The following COMMD1 variants were observed in gnomAD, a reference collection of about 807,000 sequenced individuals.
COMMD1 encodes the protein copper metabolism domain containing 1, also known as COMM domain-containing protein 1.
Under a neutral mutation model 17.2 loss-of-function variants are expected in COMMD1, and 10 were observed. The ratio of observed to expected loss-of-function variants is 0.58; its 90% CI spans 0.36 to 0.99. The LOEUF is 0.99. Ranked by LOEUF, COMMD1 falls within the 50% of genes least tolerant of loss-of-function variation. The probability of loss-of-function intolerance (pLI) is 0.01; values close to 1 mark genes in which losing one functional copy is unlikely to be tolerated. For synonymous variants in COMMD1, 97 were observed against 91.6 expected, an observed-to-expected ratio of 1.06 and a Z score of -0.34; for missense variants, 270 against 231.8, an observed-to-expected ratio of 1.17 and a Z score of -1.07.
intron 2 of COMMD1, among the ~76,000 whole-genome samples, chr2:62,117,029 C>T (rs1258497965): frequency 1.3e-5 from 2 of 151,346 alleles, no homozygotes; most frequent in Non-Finnish European, 2.9e-5. Flanking sequence ...CAAAGATGAA[C>T]CTTGCCTACA....
In COMMD1 at chr2:61,911,361, A is replaced by G. The variant is rs185455882; in HGVS notation, c.180+5503A>G. ...TGTAGCAGCAGGTGCTTATAATCCC[A>G]GCTACTTGTGAGGCTGAGGCAGGAG... On this transcript the variant is annotated intron_variant, in intron 1 of 2. Coordinates refer to ENST00000311832, the MANE Select transcript of COMMD1 (RefSeq NM_152516.4). 3.2e-3 allele frequency among the ~76,000 whole-genome samples: 492 copies of G among 152,160 alleles called. 7 individuals carry two copies. The highest frequency in any genetic ancestry group is 0.01 in the African/African-American group (429 of 41,524).
chr2:62,050,656 C>T (rs1670510715), intron 2 of COMMD1, among the ~76,000 whole-genome samples: 1 of 152,126 alleles, frequency 6.6e-6, no homozygotes, highest in African/African-American at 2.4e-5. Context: ...GATCACATGC[C>T]TTGCTGTAGA....
chr2:62,001,126 T>C, intron 2 of COMMD1, 144 bp downstream of exon 2: 1 of 843,700 alleles, frequency 1.2e-6, no homozygotes, highest in Non-Finnish European at 1.9e-6. Flanking sequence ...TAGAATCATC[T>C]GAAAATTTGG....
intron 1 of COMMD1, among the ~76,000 whole-genome samples, chr2:61,989,245 A>G (rs899203275): frequency 2.6e-4 from 39 of 152,100 alleles, no homozygotes; most frequent in African/African-American, 9.4e-4. Context: ...TAATTTGTTA[A>G]ACAATGGATG....
chr2:62,078,516 G>A (rs1174484021), intron 2 of COMMD1, among the ~76,000 whole-genome samples: 2 of 142,252 alleles, frequency 1.4e-5, no homozygotes, highest in Non-Finnish European at 3.0e-5. Context: ...TCGCGCCACT[G>A]CACTCTAGCC....
At chr2:62,054,595 A>T (rs914346469) in intron 2 of COMMD1, among the ~76,000 whole-genome samples, 2 of 152,248 alleles carry the variant, frequency 1.3e-5, no homozygotes, top group Admixed American at 6.5e-5. Flanking sequence ...AAGTGAAACA[A>T]GCCAGGCACA....
At chr2:62,115,954 T>C (rs1021577100) in intron 2 of COMMD1, among the ~76,000 whole-genome samples, 18 of 150,394 alleles carry the variant, frequency 1.2e-4, no homozygotes, top group African/African-American at 3.2e-4. Context: ...CTGGGCTCAA[T>C]TGATTCTCTC....
chr2:62,086,612 C>T (rs536164631), intron 2 of COMMD1, among the ~76,000 whole-genome samples: 3 of 152,190 alleles, frequency 2.0e-5, no homozygotes, highest in Admixed American at 2.0e-4. Context: ...ATAATGGCCC[C>T]TCTCATCAAA....
At chr2:62,004,683 G>A (rs901835429) in intron 2 of COMMD1, among the ~76,000 whole-genome samples, 3 of 152,120 alleles carry the variant, frequency 2.0e-5, no homozygotes, top group African/African-American at 7.2e-5. Context: ...ACCTAGACTG[G>A]CAGTAAAATA....
At chr2:61,920,578 T>G (rs1384838846) in intron 1 of COMMD1, among the ~76,000 whole-genome samples, 1 of 152,124 alleles carries the variant, frequency 6.6e-6, no homozygotes, top group African/African-American at 2.4e-5. Context: ...TATGTGGTGC[T>G]TCATTATGGG....
intron 2 of COMMD1, among the ~76,000 whole-genome samples, chr2:62,003,293 A>G (rs1442797086): frequency 2.0e-5 from 3 of 151,094 alleles, no homozygotes; most frequent in Non-Finnish European, 4.4e-5. Flanking sequence ...TGTAATCTCA[A>G]CACTTTGGGA....
chr2:61,979,683 A>T (rs550629532), intron 1 of COMMD1, among the ~76,000 whole-genome samples: 1 of 152,036 alleles, frequency 6.6e-6, no homozygotes, highest in Admixed American at 6.6e-5. Flanking sequence ...AACAGTGTAC[A>T]AGGGTTCCCT....
chr2:61,957,908 A>G (rs1440410471), intron 1 of COMMD1, among the ~76,000 whole-genome samples: 1 of 151,906 alleles, frequency 6.6e-6, no homozygotes, highest in Non-Finnish European at 1.5e-5. Context: ...GGAAAAAAAA[A>G]TGTTTCTTGA....
At chr2:61,912,771 A>G (rs565640080) in intron 1 of COMMD1, among the ~76,000 whole-genome samples, 4 of 152,080 alleles carry the variant, frequency 2.6e-5, no homozygotes, top group Admixed American at 1.3e-4. Flanking sequence ...TAACATGACT[A>G]CATGCTCATT....
chr2:62,031,428 C>A (rs1416990362), intron 2 of COMMD1, among the ~76,000 whole-genome samples: 1 of 152,038 alleles, frequency 6.6e-6, no homozygotes, highest in Non-Finnish European at 1.5e-5. Context: ...TTTTTCTATC[C>A]CATTAATTGG....
intron 2 of COMMD1, among the ~76,000 whole-genome samples, chr2:62,008,389 C>CACACATAT (rs1553378760): frequency 1.0e-4 from 15 of 145,640 alleles, no homozygotes; most frequent in African/African-American, 3.7e-4. Flanking sequence ...CACACACACA[C>CACACATAT]ATATATATTT....
rs562973893 is a variant in COMMD1 at position 61,960,944 on chromosome 2, G to A, written c.181-39757G>A. 4.6e-5 allele frequency among the ~76,000 whole-genome samples: 7 copies of A among 152,214 alleles called. No homozygotes were observed. The South Asian group carries it at 6.2e-4, about 14-fold the overall frequency. On this transcript the variant is annotated intron_variant, in intron 1 of 2. Transcript: ENST00000311832. ...TGGTAAGCCACTCCTTCTTTTTGGC[G>A]TTACTGAGAGTCCAGATAGATTGCT...
intron 2 of COMMD1, among the ~76,000 whole-genome samples, chr2:62,103,691 TA>T (rs2104025934): frequency 6.6e-6 from 1 of 152,352 alleles, no homozygotes; most frequent in African/African-American, 2.4e-5. Flanking sequence ...AAAAAATGAC[TA>T]GAATAATTTT....
intron 2 of COMMD1, among the ~76,000 whole-genome samples, chr2:62,101,049 G>A (rs1672164626): frequency 6.6e-6 from 1 of 151,168 alleles, no homozygotes; most frequent in African/African-American, 2.4e-5. Flanking sequence ...TTTATGGTTT[G>A]TAGGACATGA....
Sources: gnomAD v4.1 joint callset for allele counts (sites outside exome capture counted in the v4.1 genomes callset) on GRCh38, gnomAD v4.1.1 for gene constraint, MANE v1.5 for transcripts, NCBI Gene and HGNC (gene_info 2026-07-23, HGNC 2026-07-21) for gene names.